The following CHI3L2 variants were observed in gnomAD, a reference collection of about 807,000 sequenced individuals.
CHI3L2 encodes chitinase-3-like protein 2.
Under a neutral mutation model 47.3 loss-of-function variants are expected in CHI3L2, and 47 were observed. The ratio of observed to expected loss-of-function variants is 0.99; its 90% CI spans 0.79 to 1.27. The LOEUF is 1.27. CHI3L2 is among the 50% of genes most tolerant of loss of function. The pLI, the probability that CHI3L2 is intolerant of heterozygous loss-of-function variation, is 0.00. For synonymous variants in CHI3L2, 198 were observed against 169.9 expected, an observed-to-expected ratio of 1.17 and a Z score of -1.28; for missense variants, 497 against 462.1, an observed-to-expected ratio of 1.08 and a Z score of -0.69.
In CHI3L2 at chr1:111,229,845, A is replaced by G. The variant is rs1167698441; in HGVS notation, c.41-7A>G. Reference sequence around the variant, plus strand: ...AACAGATTTCTCTTTCCACCCATCTATTGCAGGTGTAGTGGTCTTGCTGCT... The same window carrying G: ...AACAGATTTCTCTTTCCACCCATCTGTTGCAGGTGTAGTGGTCTTGCTGCT... On this transcript the variant is annotated splice_region_variant and splice_polypyrimidine_tract_variant and intron_variant, in intron 1 of 10. Coordinates refer to ENST00000369748, the MANE Select transcript of CHI3L2 (RefSeq NM_004000.3). 9 of 1,613,756 alleles carry G rather than the reference A, an allele frequency of 5.6e-6. No homozygotes were observed. In the East Asian group the frequency reaches 6.7e-5, roughly 12 times the overall value.
At chr1:111,237,511 G>A (rs150864646) in intron 7 of CHI3L2, among the ~76,000 whole-genome samples, 30 of 152,266 alleles carry the variant, frequency 2.0e-4, no homozygotes, top group African/African-American at 5.5e-4. Context: ...AAAATGGATC[G>A]GTCCAGAGCT....
chr1:111,230,182 A>G (rs747434394), intron 2 of CHI3L2, among the ~76,000 whole-genome samples: 2 of 152,074 alleles, frequency 1.3e-5, no homozygotes, highest in Non-Finnish European at 2.9e-5. Flanking sequence ...TCATCCATCC[A>G]TACATACATA....
chr1:111,241,245 G>T lies in CHI3L2; in HGVS notation c.919-82G>T. 3 of 799,348 alleles carry T rather than the reference G, an allele frequency of 3.8e-6. No individual in the cohort carries two copies. The East Asian group carries it at 7.3e-5, about 19-fold the overall frequency. The allele number at this position is 799,348 out of a possible 1,614,324, so 49.5% of individuals were successfully genotyped here. A position where few individuals can be genotyped will look rare whatever the true frequency, so the allele number is the denominator to read the frequency against. On this transcript the variant is annotated intron_variant, in intron 8 of 10. Coordinates refer to ENST00000369748, the MANE Select transcript of CHI3L2 (RefSeq NM_004000.3). ...TTCTGATATTTTCCCCAAGTCCCTA[G>T]TGGCTCACCTGCCCTGTCTACCCCA... is the stretch of plus-strand genomic sequence containing the variant.
At chr1:111,236,750 T>G (rs1659899508) in intron 7 of CHI3L2, among the ~76,000 whole-genome samples, 1 of 152,194 alleles carries the variant, frequency 6.6e-6, no homozygotes, top group Non-Finnish European at 1.5e-5. Context: ...GATAGGAGAA[T>G]TGCAATAGAG....
intron 1 of CHI3L2, 145 bp from the exon 2 acceptor site, chr1:111,229,707 A>T: frequency 8.0e-7 from 1 of 1,242,382 alleles, no homozygotes; most frequent in Non-Finnish European, 1.0e-6. Flanking sequence ...AAAAAAAAAG[A>T]AACCACAGCA....
At position 111,242,238 on chromosome 1, in the gene CHI3L2, A is replaced by G. The variant is rs775547841; in HGVS notation, c.1047A>G (p.Leu349=). ...TGTGTCTCCCATAGGTTCAGTTCTT[A>G]AAGAATTTAAACCTGGGAGGAGCCA... ...VKSMETKVQF[L]KNLNLGGAMI... is the part of the protein sequence containing the mutation. The change falls in exon 10 of 11, where the codon TTA becomes TTG. Residue 349 remains leucine, a synonymous_variant. Coordinates refer to ENST00000369748, the MANE Select transcript of CHI3L2 (RefSeq NM_004000.3). 3 of 1,613,962 alleles carry G rather than the reference A, an allele frequency of 1.9e-6. No individual in the cohort carries two copies. Among genetic ancestry groups the G allele is most frequent in the Non-Finnish European group, 2.5e-6 (3 of 1,179,978 alleles).
chr1:111,227,705 A>G, upstream of CHI3L2: 1 of 1,613,738 alleles, frequency 6.2e-7, no homozygotes, highest in Middle Eastern at 1.7e-4. Flanking sequence ...GAGAATGTGT[A>G]TCCCAGAAGA....
In CHI3L2 at chr1:111,235,098, C is replaced by A. The variant is rs148079225; in HGVS notation, c.480+41C>A. The A allele has an allele frequency of 1.9e-6, 3 of 1,602,222 alleles. No homozygotes were observed. The South Asian group carries it at 3.3e-5, about 18-fold the overall frequency. On this transcript the variant is annotated intron_variant, in intron 5 of 10. Transcript: ENST00000369748. ...AGTAATTCATGTGAGTCAGATGCCA[C>A]GGTGTACTCAGTACTCTGATATCCA...
At chr1:111,231,394 A>G (rs1659718166) in intron 4 of CHI3L2, 100 bp downstream of exon 4, 13 of 932,856 alleles carry the variant, frequency 1.4e-5, no homozygotes, top group Non-Finnish European at 2.2e-5. Flanking sequence ...AGGCTTTAAG[A>G]GGTTTTCCCT....
At chr1:111,240,012 A>G (rs1660000282) in intron 8 of CHI3L2, among the ~76,000 whole-genome samples, 1 of 152,248 alleles carries the variant, frequency 6.6e-6, no homozygotes, top group African/African-American at 2.4e-5. Flanking sequence ...ATGGGATTCA[A>G]TGACCAATGA....
Position 111,235,665 on chromosome 1 carries a change from C to T in CHI3L2, c.507C>T (p.Asp169=), listed in dbSNP as rs1659858959. 6.2e-7 allele frequency: 1 copy of T among 1,613,984 alleles called. No individual in the cohort carries two copies. The highest frequency in any genetic ancestry group is 8.5e-7 in the Non-Finnish European group (1 of 1,179,996). The change falls in exon 6 of 11, where the codon GAC becomes GAT. Residue 169 remains aspartate, a synonymous_variant. Transcript: ENST00000369748. ...AGTTAGCAGAAGCCTTTCAGAAGGACTTCACAAAATCCACCAAGGAAAGGC... is the reference window on the plus strand; with the variant it reads ...AGTTAGCAGAAGCCTTTCAGAAGGATTTCACAAAATCCACCAAGGAAAGGC... ...IHELAEAFQK[D]FTKSTKERLL...
rs200158521 is a variant in CHI3L2 at position 111,234,895 on chromosome 1, G to T, written c.330-12G>T. 323 of 1,613,148 alleles carry T rather than the reference G, an allele frequency of 2.0e-4. No individual in the cohort carries two copies. The highest frequency in any genetic ancestry group is 2.7e-4 in the Non-Finnish European group (315 of 1,179,434). On this transcript the variant is annotated splice_polypyrimidine_tract_variant and intron_variant, in intron 4 of 10. Coordinates refer to ENST00000369748, the MANE Select transcript of CHI3L2 (RefSeq NM_004000.3). ...TTCTTTCCAAAAAGACACTCGTATT[G>T]CTTCTTTCCAGGTTCCACCCTATGG...
intron 8 of CHI3L2, chr1:111,239,195 A>T (rs1254496916): frequency 5.6e-6 from 2 of 356,078 alleles, no homozygotes; most frequent in South Asian, 1.7e-4. Context: ...CGAGAAATTG[A>T]AAAAGGAAGA....
intron 4 of CHI3L2, among the ~76,000 whole-genome samples, chr1:111,231,625 A>AT (rs777406280): frequency 3.0e-4 from 45 of 152,252 alleles, no homozygotes; most frequent in Non-Finnish European, 5.9e-4. Context: ...GGAAAGTGCA[A>AT]TTTTTTTAAA....
At chr1:111,231,018 C>T in intron 3 of CHI3L2, 75 bp downstream of exon 3, 3 of 1,156,096 alleles carry the variant, frequency 2.6e-6, no homozygotes, top group Non-Finnish European at 2.6e-6. Flanking sequence ...GACACTAAGA[C>T]ATACTATCTC....
At position 111,231,235 on chromosome 1, in the gene CHI3L2, C is replaced by G. The variant is rs1428029826; in HGVS notation, c.273-3C>G. 2 of 1,607,540 alleles carry G rather than the reference C, an allele frequency of 1.2e-6. No individual in the cohort carries two copies. The highest frequency in any genetic ancestry group is 1.3e-5 in the African/African-American group (1 of 74,824). ...AAATAATCATCTTATTCTTCTACTTCAGGAATCCCAAACTGAAAATTCTCT... is the reference window on the plus strand; with the variant it reads ...AAATAATCATCTTATTCTTCTACTTGAGGAATCCCAAACTGAAAATTCTCT... On this transcript the variant is annotated splice_region_variant and splice_polypyrimidine_tract_variant and intron_variant, in intron 3 of 10. Transcript: ENST00000369748.
chr1:111,242,504 C>T (rs6668814), intron 10 of CHI3L2, 138 bp downstream of exon 10: 84,945 of 875,548 alleles, frequency 0.097, 6,074 homozygotes, highest in East Asian at 0.36. Flanking sequence ...GTTTTCTTAG[C>T]AATTAGGCTG....
intron 9 of CHI3L2, 74 bp from the exon 10 acceptor site, chr1:111,242,153 C>A: frequency 6.3e-7 from 1 of 1,593,612 alleles, no homozygotes; most frequent in Non-Finnish European, 8.6e-7. Flanking sequence ...AGTCCCTCAT[C>A]TGAACCTGAT....
At chr1:111,229,931 T>G (rs778084537) in intron 2 of CHI3L2, 50 bp downstream of exon 2, 9 of 1,608,026 alleles carry the variant, frequency 5.6e-6, no homozygotes, top group Non-Finnish European at 6.8e-6. Flanking sequence ...CTTGGGTGCT[T>G]TCATTTTTGA....
Sources: allele counts gnomAD v4.1 joint callset (sites outside exome capture counted in the v4.1 genomes callset), GRCh38; gene constraint gnomAD v4.1.1; transcripts MANE v1.5; gene names NCBI Gene and HGNC (gene_info 2026-07-23, HGNC 2026-07-21).